XYLT1: variants seen among roughly 807,000 people sequenced by gnomAD.
The protein encoded by XYLT1 is xylosyltransferase 1, also known as beta-D-xylosyltransferase 1.
A neutral mutation model predicts 91.3 loss-of-function variants in XYLT1; 36 were observed. The ratio of observed to expected loss-of-function variants is 0.39; its 90% CI spans 0.30 to 0.52. The LOEUF is 0.52. XYLT1 is among the 20% of genes least tolerant of loss of function. The pLI, the probability that XYLT1 is intolerant of heterozygous loss-of-function variation, is 0.68. For synonymous variants in XYLT1, 588 were observed against 532.0 expected, an observed-to-expected ratio of 1.11 and a Z score of -1.45; for missense variants, 1,242 against 1,284.5, an observed-to-expected ratio of 0.97 and a Z score of 0.51.
chr16:17,226,464 C>CAGG (rs2033067868), intron 3 of XYLT1, among the ~76,000 whole-genome samples: 1 of 152,188 alleles, frequency 6.6e-6, no homozygotes, highest in Admixed American at 6.5e-5. Context: ...CACTAAATGC[C>CAGG]AGGAGCATCC....
rs1262139998 is a variant in XYLT1 at position 17,138,354 on chromosome 16, C to T, written c.1764+1G>A. The stretch of plus-strand genomic sequence containing the variant: ...GCTGGCAGACCATGAGAAAGTCTCA[C>T]CTGGAAGCGGTGGAAGTCCTGCGGC... On this transcript the variant is annotated splice_donor_variant, in intron 8 of 11. Transcript: ENST00000261381. LOFTEE classifies it high-confidence loss of function. 6.2e-7 allele frequency: 1 copy of T among 1,610,348 alleles called. No homozygotes were observed.
rs989611133 is a variant in XYLT1, at chr16:17,127,014, T to G, written c.2223+652A>C. Among the ~76,000 whole-genome samples, 9 of 152,138 alleles carry G rather than the reference T, an allele frequency of 5.9e-5. No individual in the cohort carries two copies. The South Asian group carries it at 1.9e-3, about 32-fold the overall frequency. On this transcript the variant is annotated intron_variant, in intron 10 of 11. Transcript: ENST00000261381. ...AGTATTAAAATAGGGAAGGGTTGGA[T>G]GGAGAATGTAGCTATTGCAGCAGCT...
chr16:17,304,643 C>A (rs1186844207), intron 2 of XYLT1, among the ~76,000 whole-genome samples: 1 of 152,080 alleles, frequency 6.6e-6, no homozygotes, highest in Non-Finnish European at 1.5e-5. Context: ...CCTGGTAAAT[C>A]CACAGTTAAG....
At chr16:17,224,903 C>T (rs748442358) in intron 3 of XYLT1, among the ~76,000 whole-genome samples, 6 of 152,142 alleles carry the variant, frequency 3.9e-5, no homozygotes, top group Non-Finnish European at 7.3e-5. Flanking sequence ...TCTGTTGCAA[C>T]TTCTCAACTC....
chr16:17,239,132 T>A (rs1436507144), intron 3 of XYLT1, among the ~76,000 whole-genome samples: 1 of 152,224 alleles, frequency 6.6e-6, no homozygotes, highest in East Asian at 1.9e-4. Context: ...CTATTGTCAT[T>A]TCTTGCCTAG....
At chr16:17,343,692 C>T (rs548464772) in intron 2 of XYLT1, among the ~76,000 whole-genome samples, 44 of 152,308 alleles carry the variant, frequency 2.9e-4, no homozygotes, top group African/African-American at 9.1e-4. Flanking sequence ...TAGTCTCAAA[C>T]TCCTGGCCTC....
At chr16:17,365,800 G>C (rs1258179462) in intron 1 of XYLT1, among the ~76,000 whole-genome samples, 3 of 152,022 alleles carry the variant, frequency 2.0e-5, no homozygotes, top group Non-Finnish European at 4.4e-5. Context: ...TGGAAACTTG[G>C]GAATTATCTT....
chr16:17,210,046 A>G (rs2032729128), intron 3 of XYLT1, among the ~76,000 whole-genome samples: 1 of 151,918 alleles, frequency 6.6e-6, no homozygotes, highest in Non-Finnish European at 1.5e-5. Flanking sequence ...AGGCATGAAC[A>G]CCACACCTGG....
At chr16:17,377,957 G>A (rs1360118324) in intron 1 of XYLT1, among the ~76,000 whole-genome samples, 2 of 152,202 alleles carry the variant, frequency 1.3e-5, no homozygotes, top group East Asian at 1.9e-4. Flanking sequence ...GGGAAGAACT[G>A]AGGCTTTGGA....
chr16:17,151,360 A>T (rs1405318119), intron 6 of XYLT1, among the ~76,000 whole-genome samples: 1 of 152,112 alleles, frequency 6.6e-6, no homozygotes, highest in African/African-American at 2.4e-5. Flanking sequence ...TTGCAGGTGG[A>T]GGTTGGAGTG....
intron 1 of XYLT1, among the ~76,000 whole-genome samples, chr16:17,389,229 A>T (rs1054760580): frequency 9.9e-5 from 15 of 152,176 alleles, no homozygotes; most frequent in Admixed American, 2.6e-4. Context: ...GAAAGCCTTT[A>T]ACAAATTGAG....
intron 2 of XYLT1, among the ~76,000 whole-genome samples, chr16:17,325,399 T>C (rs139053489): frequency 1.9e-3 from 294 of 152,288 alleles, no homozygotes; most frequent in Non-Finnish European, 3.4e-3. Flanking sequence ...AGACTCTGTC[T>C]CAAAACAAAA....
chr16:17,285,138 G>T (rs1255349081), intron 2 of XYLT1, among the ~76,000 whole-genome samples: 1 of 152,214 alleles, frequency 6.6e-6, no homozygotes, highest in African/African-American at 2.4e-5. Context: ...TTGCCTGGGT[G>T]CTGCTCCAGC....
At chr16:17,455,449 T>C (rs2036727717) in intron 1 of XYLT1, among the ~76,000 whole-genome samples, 1 of 152,030 alleles carries the variant, frequency 6.6e-6, no homozygotes, top group African/African-American at 2.4e-5. Flanking sequence ...CTAGAGTACT[T>C]AAGAATATTT....
Position 17,310,062 on chromosome 16 carries a change from T to A in XYLT1, c.402+47950A>T, listed in dbSNP as rs2034523657. Among the ~76,000 whole-genome samples, 3 of 152,186 alleles carry A rather than the reference T, an allele frequency of 2.0e-5. No individual in the cohort carries two copies. The South Asian group carries it at 6.2e-4, about 32-fold the overall frequency. On this transcript the variant is annotated intron_variant, in intron 2 of 11. Coordinates refer to ENST00000261381, the MANE Select transcript of XYLT1 (RefSeq NM_022166.4). ...CAGATTGAAACTTCTGGGACCTGAT[T>A]TCAGGAATGAGCTGCAACAAAATGC...
chr16:17,132,107 A>G (rs2030504808), intron 9 of XYLT1, among the ~76,000 whole-genome samples: 1 of 152,148 alleles, frequency 6.6e-6, no homozygotes, highest in Non-Finnish European at 1.5e-5. Flanking sequence ...TATACATTCT[A>G]GGAAGCCTGC....
chr16:17,189,508 A>G (rs181492829), intron 5 of XYLT1, among the ~76,000 whole-genome samples: 1 of 152,354 alleles, frequency 6.6e-6, no homozygotes, highest in East Asian at 1.9e-4. Flanking sequence ...AATTCAGGGC[A>G]TACAGTGCAG....
intron 2 of XYLT1, among the ~76,000 whole-genome samples, chr16:17,302,840 A>C (rs921984093): frequency 7.2e-5 from 11 of 152,118 alleles, no homozygotes; most frequent in Admixed American, 5.2e-4. Context: ...TCAATCCCCC[A>C]AGGCTTTTGA....
intron 2 of XYLT1, among the ~76,000 whole-genome samples, chr16:17,328,809 T>G (rs527786775): frequency 6.6e-6 from 1 of 152,246 alleles, no homozygotes; most frequent in South Asian, 2.1e-4. Context: ...CGTACTCTAT[T>G]TGAGAAGGCA....
Sources: allele counts gnomAD v4.1 joint callset (sites outside exome capture counted in the v4.1 genomes callset), GRCh38; gene constraint gnomAD v4.1.1; transcripts MANE v1.5; gene names NCBI Gene and HGNC (gene_info 2026-07-23, HGNC 2026-07-21).